Variants in SLC9D1 observed in about 807,000 individuals in gnomAD.
SLC9D1 encodes the protein solute carrier family 9 member D1.
chr13:113,495,394 T>A, the SLC9D1 span: 1 of 508,360 alleles, frequency 2.0e-6, no homozygotes, highest in Non-Finnish European at 3.5e-6. Flanking sequence ...CTAGGAAAAA[T>A]GAGAATTTCT....
the SLC9D1 span, among the ~76,000 whole-genome samples, chr13:113,516,739 C>T: frequency 1.3e-5 from 2 of 152,080 alleles, no homozygotes; most frequent in Admixed American, 1.3e-4. Context: ...GATTTCTAGC[C>T]CCTTCGAGGG....
At chr13:113,538,703 G>A in the SLC9D1 span, among the ~76,000 whole-genome samples, 2 of 144,324 alleles carry the variant, frequency 1.4e-5, no homozygotes, top group African/African-American at 2.8e-5. Flanking sequence ...TTTTCTTTTC[G>A]TCTGATGCTG....
the SLC9D1 span, among the ~76,000 whole-genome samples, chr13:113,515,890 CAAAAAAAAAA>C: frequency 1.8e-4 from 14 of 79,074 alleles, no homozygotes; most frequent in East Asian, 1.2e-3. Flanking sequence ...GACTCCGTCC[CAAAAAAAAAA>C]AAAAAAAAAA....
At chr13:113,497,209 T>C in the SLC9D1 span, among the ~76,000 whole-genome samples, 4 of 151,916 alleles carry the variant, frequency 2.6e-5, no homozygotes, top group East Asian at 7.7e-4. Flanking sequence ...TAGCTGTGTG[T>C]CAGGTCTGCT....
chr13:113,503,337 CTGTG>C, the SLC9D1 span, among the ~76,000 whole-genome samples: 148 of 114,634 alleles, frequency 1.3e-3, 2 homozygotes, highest in East Asian at 0.031. Flanking sequence ...TCGAAGTACA[CTGTG>C]TGATTGTGTG....
chr13:113,548,823 G>A, the SLC9D1 span, among the ~76,000 whole-genome samples: 1,075 of 152,346 alleles, frequency 7.1e-3, 3 homozygotes, highest in Admixed American at 0.012. Flanking sequence ...GGAGGTTCCT[G>A]TGGACACTGA....
the SLC9D1 span, chr13:113,548,158 A>C: frequency 1.2e-6 from 1 of 841,572 alleles, no homozygotes; most frequent in South Asian, 1.7e-5. Context: ...GGGTGTTTGG[A>C]GTGCTTCTGT....
chr13:113,493,419 G>A, the SLC9D1 span, among the ~76,000 whole-genome samples: 1 of 152,216 alleles, frequency 6.6e-6, no homozygotes, highest in Non-Finnish European at 1.5e-5. Context: ...TGAAGTAGCT[G>A]TTGATTTATT....
chr13:113,492,319 C>T, the SLC9D1 span, among the ~76,000 whole-genome samples: 3 of 152,184 alleles, frequency 2.0e-5, no homozygotes, highest in African/African-American at 4.8e-5. Context: ...AATTTGAAAA[C>T]CTTTTTATTT....
the SLC9D1 span, among the ~76,000 whole-genome samples, chr13:113,503,029 A>G: frequency 2.6e-5 from 4 of 152,264 alleles, no homozygotes; most frequent in Admixed American, 1.3e-4. Context: ...GGCTGTTTCA[A>G]TGTAGTTTTT....
At chr13:113,518,836 CTG>C in the SLC9D1 span, among the ~76,000 whole-genome samples, 1 of 152,222 alleles carries the variant, frequency 6.6e-6, no homozygotes, top group African/African-American at 2.4e-5. Flanking sequence ...TCTGTTCAGA[CTG>C]TTTTAAAATT....
chr13:113,547,485 C>T, the SLC9D1 span: 21 of 891,316 alleles, frequency 2.4e-5, no homozygotes, highest in South Asian at 3.1e-4. Context: ...CAGAGCCGGC[C>T]CTGCTCCTCA....
the SLC9D1 span, chr13:113,550,119 A>G: frequency 2.9e-4 from 46 of 157,678 alleles, no homozygotes; most frequent in East Asian, 8.2e-3. Flanking sequence ...TCTATTAGAT[A>G]TATCACTTAA....
At chr13:113,515,512 G>T in the SLC9D1 span, among the ~76,000 whole-genome samples, 1 of 152,182 alleles carries the variant, frequency 6.6e-6, no homozygotes, top group Non-Finnish European at 1.5e-5. Flanking sequence ...ATTTCTTCCA[G>T]AAGCTCAGTG....
chr13:113,508,359 G>A, the SLC9D1 span, among the ~76,000 whole-genome samples: 1 of 152,236 alleles, frequency 6.6e-6, no homozygotes. Flanking sequence ...CTGCTTGCAG[G>A]AGTAACCCCC....
the SLC9D1 span, among the ~76,000 whole-genome samples, chr13:113,507,829 T>C: frequency 6.6e-6 from 1 of 152,244 alleles, no homozygotes; most frequent in East Asian, 1.9e-4. Context: ...GTGAGGCAGG[T>C]ATAACGTACG....
chr13:113,536,865 G>A, the SLC9D1 span, among the ~76,000 whole-genome samples: 6 of 152,208 alleles, frequency 3.9e-5, no homozygotes, highest in African/African-American at 1.4e-4. Context: ...CAGTAAACAG[G>A]AGCTCAGCCG....
chr13:113,535,802 C>T, the SLC9D1 span, among the ~76,000 whole-genome samples: 9 of 151,658 alleles, frequency 5.9e-5, no homozygotes, highest in East Asian at 1.9e-4. This position sits in a 1 kb window ranked among gnomAD's most constrained non-coding sequence, Gnocchi z 4.1. Context: ...GGGGATGGCA[C>T]TCGCTGTCTT....
At chr13:113,493,182 T>G in the SLC9D1 span, among the ~76,000 whole-genome samples, 1 of 152,224 alleles carries the variant, frequency 6.6e-6, no homozygotes, top group African/African-American at 2.4e-5. Flanking sequence ...CTCATAAAAA[T>G]TATAGCTCCC....
Sources: gnomAD v4.1 joint callset for allele counts (sites outside exome capture counted in the v4.1 genomes callset) on GRCh38, gnomAD v4.1.1 for gene constraint, Gnocchi (gnomAD v3.1) non-coding constraint, MANE v1.5 for transcripts, NCBI Gene and HGNC (gene_info 2026-07-23, HGNC 2026-07-21) for gene names.